ZFAND3: variants seen among roughly 807,000 people sequenced by gnomAD.
The protein encoded by ZFAND3 is AN1-type zinc finger protein 3.
Under a neutral mutation model 29.6 loss-of-function variants are expected in ZFAND3, and 10 were observed. The ratio of observed to expected loss-of-function variants is 0.34; its 90% CI spans 0.21 to 0.57. The LOEUF is 0.57. Among genes scored for constraint, ZFAND3 ranks in the 20% least tolerant of loss-of-function variants. ZFAND3 has a pLI of 0.86. For missense variants in ZFAND3, 230 were observed against 304.5 expected, an observed-to-expected ratio of 0.76 and a Z score of 1.82; for synonymous variants, 128 against 112.6, an observed-to-expected ratio of 1.14 and a Z score of -0.87.
chr6:38,023,490 A>G (rs1163543807), intron 2 of ZFAND3, among the ~76,000 whole-genome samples: 1 of 152,190 alleles, frequency 6.6e-6, no homozygotes, highest in Non-Finnish European at 1.5e-5. Context: ...ATGTGTATAT[A>G]TTTTGAAACA....
intron 1 of ZFAND3, among the ~76,000 whole-genome samples, chr6:37,877,687 G>T (rs915558484): frequency 2.6e-5 from 4 of 152,172 alleles, no homozygotes; most frequent in Admixed American, 2.0e-4. Context: ...CTTACTTGTG[G>T]CAGGGCTGGG....
intron 2 of ZFAND3, among the ~76,000 whole-genome samples, chr6:37,981,358 C>T (rs1295163947): frequency 6.6e-6 from 1 of 152,190 alleles, no homozygotes; most frequent in East Asian, 1.9e-4. Context: ...CAGCTGTTAT[C>T]TTTGTTTCAG....
chr6:38,148,128 T>G (rs1766147363), intron 5 of ZFAND3, among the ~76,000 whole-genome samples: 1 of 152,148 alleles, frequency 6.6e-6, no homozygotes, highest in Non-Finnish European at 1.5e-5. Flanking sequence ...TTGAGTTGAT[T>G]TTTGTGTGTG....
chr6:38,044,205 T>C (rs1763852386), intron 2 of ZFAND3, among the ~76,000 whole-genome samples: 2 of 152,246 alleles, frequency 1.3e-5, no homozygotes. Context: ...TTTTGTTTTC[T>C]CCTTTAAACT....
At chr6:38,086,642 T>G (rs1764763605) in intron 4 of ZFAND3, among the ~76,000 whole-genome samples, 1 of 152,240 alleles carries the variant, frequency 6.6e-6, no homozygotes, top group African/African-American at 2.4e-5. Context: ...TCATCTTTTC[T>G]AACCGTCAAG....
chr6:37,829,685 G>A (rs1235456771), intron 1 of ZFAND3, among the ~76,000 whole-genome samples: 1 of 152,176 alleles, frequency 6.6e-6, no homozygotes, highest in African/African-American at 2.4e-5. Flanking sequence ...CCCTGTTTCT[G>A]TGGATCAGTC....
intron 2 of ZFAND3, among the ~76,000 whole-genome samples, chr6:37,985,402 C>A (rs1762649171): frequency 6.6e-6 from 1 of 152,058 alleles, no homozygotes; most frequent in South Asian, 2.1e-4. Context: ...CTGAGGCGGG[C>A]AGATAGCTTG....
At chr6:37,850,853 GCC>G (rs1764267333) in intron 1 of ZFAND3, among the ~76,000 whole-genome samples, 1 of 152,086 alleles carries the variant, frequency 6.6e-6, no homozygotes, top group Non-Finnish European at 1.5e-5. Flanking sequence ...TTCTGCCTCA[GCC>G]TCCTGAGTAG....
At chr6:38,103,350 A>ATG (rs1336981171) in intron 4 of ZFAND3, among the ~76,000 whole-genome samples, 65 of 1,896 alleles carry the variant, frequency 0.034, no homozygotes, top group Non-Finnish European at 0.071. Flanking sequence ...GTGTGTATGT[A>ATG]TATATATATA....
intron 1 of ZFAND3, among the ~76,000 whole-genome samples, chr6:37,849,839 T>TA (rs1764250905): frequency 6.6e-6 from 1 of 152,224 alleles, no homozygotes; most frequent in Non-Finnish European, 1.5e-5. Context: ...GAAGGAATGT[T>TA]ACGGTCCTGA....
intron 1 of ZFAND3, among the ~76,000 whole-genome samples, chr6:37,894,637 G>A (rs1019010625): frequency 6.6e-6 from 1 of 152,134 alleles, no homozygotes; most frequent in African/African-American, 2.4e-5. Flanking sequence ...CTCCCAAAAT[G>A]CTGGGATTAT....
intron 3 of ZFAND3, among the ~76,000 whole-genome samples, chr6:38,065,328 G>GAAAGA (rs922070809): frequency 6.6e-6 from 1 of 150,572 alleles, no homozygotes; most frequent in African/African-American, 2.4e-5. Flanking sequence ...AAAAAAAAAA[G>GAAAGA]AAAGAAAAGA....
At chr6:38,144,508 G>C (rs1766063013) in intron 5 of ZFAND3, among the ~76,000 whole-genome samples, 5 of 152,176 alleles carry the variant, frequency 3.3e-5, no homozygotes, top group Admixed American at 3.3e-4. Flanking sequence ...GCTGCGCCCA[G>C]CACAGGCTAG....
chr6:37,944,212 TTA>T (rs1761860684), intron 2 of ZFAND3, among the ~76,000 whole-genome samples: 1 of 152,302 alleles, frequency 6.6e-6, no homozygotes, highest in Non-Finnish European at 1.5e-5. Context: ...CAGTTGGATT[TTA>T]TATGAGATTT....
chr6:37,823,944 A>G (rs1763712972), intron 1 of ZFAND3, among the ~76,000 whole-genome samples: 1 of 152,030 alleles, frequency 6.6e-6, no homozygotes, highest in Admixed American at 6.5e-5. Context: ...GGCACGTGCC[A>G]CCACACCCAG....
chr6:37,985,364 A>G (rs767087821), intron 2 of ZFAND3, among the ~76,000 whole-genome samples: 2 of 152,216 alleles, frequency 1.3e-5, no homozygotes, highest in East Asian at 3.8e-4. Flanking sequence ...ACCTAGGCTC[A>G]TGGCTGTAAT....
intron 2 of ZFAND3, among the ~76,000 whole-genome samples, chr6:37,995,845 G>A (rs1171203583): frequency 6.6e-6 from 1 of 152,000 alleles, no homozygotes; most frequent in African/African-American, 2.4e-5. Flanking sequence ...AGTGAGACTT[G>A]GCCGGGCACT....
chr6:37,915,312 C>T (rs975929969), intron 1 of ZFAND3, among the ~76,000 whole-genome samples: 3 of 152,276 alleles, frequency 2.0e-5, no homozygotes, highest in East Asian at 3.9e-4. Context: ...TCTGCATATT[C>T]GTATGTTCAC....
intron 2 of ZFAND3, among the ~76,000 whole-genome samples, chr6:37,974,602 C>T (rs1762449780): frequency 6.6e-6 from 1 of 151,900 alleles, no homozygotes; most frequent in Non-Finnish European, 1.5e-5. Flanking sequence ...TGCTGTGCTG[C>T]CCAGGCTGGT....
Sources: allele counts gnomAD v4.1 joint callset (sites outside exome capture counted in the v4.1 genomes callset), GRCh38; gene constraint gnomAD v4.1.1; transcripts MANE v1.5; gene names NCBI Gene and HGNC (gene_info 2026-07-23, HGNC 2026-07-21).